Variants in NCOR1 observed in about 807,000 individuals in gnomAD.
The protein encoded by NCOR1 is nuclear receptor corepressor 1.
Under a neutral mutation model 288.1 loss-of-function variants are expected in NCOR1, and 63 were observed. That is an observed-to-expected ratio of 0.22 (90% CI 0.18 to 0.27). The LOEUF is 0.27. NCOR1 is among the 10% of genes least tolerant of loss of function. NCOR1 has a pLI of 1.00. For missense variants in NCOR1, 2,397 were observed against 3,019.2 expected (o/e 0.79, Z 4.83); for synonymous variants, 1,007 against 1,065.9 (o/e 0.94, Z 1.08).
intron 3 of NCOR1, among the ~76,000 whole-genome samples, chr17:16,182,502 T>A (rs1298748071): frequency 6.6e-6 from 1 of 152,206 alleles, no homozygotes; most frequent in Non-Finnish European, 1.5e-5. Context: ...TCACCCAGGA[T>A]GGAGTCCAGT....
At chr17:16,174,294 C>G (rs1370661037) in intron 3 of NCOR1, among the ~76,000 whole-genome samples, 1 of 152,192 alleles carries the variant, frequency 6.6e-6, no homozygotes, top group Non-Finnish European at 1.5e-5. Context: ...TTAAAGCTTA[C>G]TACAAAGCTA....
chr17:16,068,774 C>T (rs2061413641), intron 31 of NCOR1, among the ~76,000 whole-genome samples: 2 of 146,530 alleles, frequency 1.4e-5, no homozygotes, highest in African/African-American at 2.5e-5. Context: ...AGTGCAGTGG[C>T]GTGATCTTGG....
chr17:16,034,535 G>C (rs568075605), intron 45 of NCOR1, among the ~76,000 whole-genome samples: 3 of 152,254 alleles, frequency 2.0e-5, no homozygotes, highest in Admixed American at 6.5e-5. Context: ...CTGAGCCTCA[G>C]AGGTCGAGGC....
At chr17:16,040,542 A>G (rs374687282) in intron 42 of NCOR1, 48 bp from the exon 43 acceptor site, 6 of 1,508,164 alleles carry the variant, frequency 4.0e-6, no homozygotes, top group Non-Finnish European at 5.5e-6. Flanking sequence ...ATAATCATAT[A>G]TACCAAACTA....
chr17:16,083,455 T>C (rs2063720156), intron 23 of NCOR1, among the ~76,000 whole-genome samples: 1 of 152,090 alleles, frequency 6.6e-6, no homozygotes, highest in Non-Finnish European at 1.5e-5. Context: ...TTTAAAGCGC[T>C]GCTGAGAGAT....
At chr17:16,058,318 A>C in intron 38 of NCOR1, 153 bp downstream of exon 38, 1 of 1,040,630 alleles carries the variant, frequency 9.6e-7, no homozygotes, top group Non-Finnish European at 1.3e-6. Context: ...AAAAATAAAA[A>C]AGAATCGATT....
At chr17:16,151,837 T>C (rs1328599845) in intron 8 of NCOR1, 109 bp downstream of exon 8, 2 of 1,009,530 alleles carry the variant, frequency 2.0e-6, no homozygotes, top group East Asian at 4.8e-5. Flanking sequence ...TACACAAATC[T>C]AAAACATACC....
intron 19 of NCOR1, 73 bp downstream of exon 19, chr17:16,108,713 A>T (rs2153052922): frequency 1.4e-6 from 2 of 1,382,916 alleles, no homozygotes; most frequent in Non-Finnish European, 2.0e-6. Flanking sequence ...AGCAACTCCT[A>T]CACAGTCAAA....
chr17:16,135,174 A>G lies in NCOR1; in HGVS notation c.1509+2137T>C, dbSNP rs183091695. On this transcript the variant is annotated intron_variant, in intron 14 of 45. Transcript: ENST00000268712. Reference sequence around the variant, plus strand: ...ACTCCATCTCAAAAAAAAAAAAAAAAAAAAAAAACTGTAGCTGAAACTTGT... The same window carrying G: ...ACTCCATCTCAAAAAAAAAAAAAAAGAAAAAAAACTGTAGCTGAAACTTGT... Among the ~76,000 whole-genome samples the G allele has an allele frequency of 7.3e-3, 1,110 of 151,610 alleles. 20 individuals are homozygous for G. Among genetic ancestry groups the G allele is most frequent in the East Asian group, 0.048 (248 of 5,134 alleles).
chr17:16,108,256 C>A, intron 19 of NCOR1: 1 of 324,220 alleles, frequency 3.1e-6, no homozygotes, highest in Non-Finnish European at 6.3e-6. Context: ...TTTTTCTTAC[C>A]AAAAAAATCA....
intron 11 of NCOR1, among the ~76,000 whole-genome samples, chr17:16,142,117 T>G (rs143461836): frequency 6.6e-6 from 1 of 151,826 alleles, no homozygotes; most frequent in East Asian, 1.9e-4. Context: ...ACAATACCCA[T>G]AGAAAAAGGA....
chr17:16,073,731 C>A (rs955012511), intron 27 of NCOR1, among the ~76,000 whole-genome samples, 162 bp from the exon 28 acceptor site: 11 of 151,478 alleles, frequency 7.3e-5, no homozygotes, highest in Admixed American at 7.2e-4. Context: ...TATTTTCACT[C>A]ATTCAAATGT....
intron 13 of NCOR1, chr17:16,137,876 A>G (rs2076645470): frequency 2.9e-6 from 1 of 342,614 alleles, no homozygotes; most frequent in African/African-American, 2.1e-5. Context: ...CGAGCACGAG[A>G]CTGATATTTT....
At chr17:16,203,653 G>C (rs2091144636) in intron 1 of NCOR1, among the ~76,000 whole-genome samples, 1 of 152,036 alleles carries the variant, frequency 6.6e-6, no homozygotes, top group South Asian at 2.1e-4. Flanking sequence ...TCCCTCACTA[G>C]AATAAAAACT....
At chr17:16,100,648 A>G (rs1181968398) in intron 20 of NCOR1, among the ~76,000 whole-genome samples, 2 of 152,238 alleles carry the variant, frequency 1.3e-5, no homozygotes, top group African/African-American at 4.8e-5. Context: ...CAAAAAAAGA[A>G]AAAAAACTTG....
At chr17:16,097,240 G>A (rs1474704407) in intron 21 of NCOR1, among the ~76,000 whole-genome samples, 2 of 152,206 alleles carry the variant, frequency 1.3e-5, no homozygotes, top group Non-Finnish European at 2.9e-5. Context: ...CAAGGCAGGA[G>A]GCTAGAACTT....
At chr17:16,137,837 T>C (rs1344043725) in intron 13 of NCOR1, 1 of 272,582 alleles carries the variant, frequency 3.7e-6, no homozygotes, top group African/African-American at 2.2e-5. Flanking sequence ...TCTGCATCGT[T>C]CCAATTTTAG....
chr17:16,148,678 A>AC (rs976327643), intron 9 of NCOR1, among the ~76,000 whole-genome samples: 7 of 149,712 alleles, frequency 4.7e-5, no homozygotes, highest in South Asian at 2.1e-4. Context: ...AAAAAAAAAA[A>AC]AAAAAAAAAA....
intron 29 of NCOR1, 96 bp from the exon 30 acceptor site, chr17:16,071,761 T>G (rs1229670870): frequency 3.5e-6 from 4 of 1,140,072 alleles, no homozygotes; most frequent in Admixed American, 4.9e-5. Flanking sequence ...ATGGTAAATT[T>G]TGTTACATAT....
Sources: gnomAD v4.1 joint callset for allele counts (sites outside exome capture counted in the v4.1 genomes callset) on GRCh38, gnomAD v4.1.1 for gene constraint, MANE v1.5 for transcripts, NCBI Gene and HGNC (gene_info 2026-07-23, HGNC 2026-07-21) for gene names.